HERC2: variants seen among roughly 807,000 people sequenced by gnomAD.
HERC2 encodes the protein E3 ubiquitin-protein ligase HERC2.
HERC2 carries 102 observed loss-of-function variants against 537.7 expected under a neutral mutation model. The ratio of observed to expected loss-of-function variants is 0.19; its 90% CI spans 0.16 to 0.22. The LOEUF (loss-of-function observed/expected upper bound fraction) is 0.22, where lower values mean the gene tolerates loss of function less well. HERC2 is among the 10% of genes least tolerant of loss of function. The pLI is 1.00. For missense variants in HERC2, 4,236 were observed against 6,198.2 expected, an observed-to-expected ratio of 0.68 and a Z score of 10.63; for synonymous variants, 2,224 against 2,466.2, an observed-to-expected ratio of 0.90 and a Z score of 2.91.
At chr15:28,293,686 G>A (rs1433077916) in intron 3 of HERC2, among the ~76,000 whole-genome samples, 1 of 152,072 alleles carries the variant, frequency 6.6e-6, no homozygotes, top group Non-Finnish European at 1.5e-5. Flanking sequence ...GAAAAGGGAG[G>A]GTGTAGAACA....
At chr15:28,227,480 A>C (rs1259772160) in intron 35 of HERC2, among the ~76,000 whole-genome samples, 2 of 151,828 alleles carry the variant, frequency 1.3e-5, no homozygotes, top group Non-Finnish European at 2.9e-5. Flanking sequence ...AAAAAAAAAA[A>C]AACACAAAAA....
At chr15:28,212,217 G>A (rs2140429431) in intron 43 of HERC2, among the ~76,000 whole-genome samples, 1 of 152,340 alleles carries the variant, frequency 6.6e-6, no homozygotes, top group African/African-American at 2.4e-5. Flanking sequence ...GAGGGTGTGA[G>A]CCATGGGGTT....
At position 28,177,670 on chromosome 15, in the gene HERC2, CTTCCTGGG is replaced by C. The variant is rs1895428951; in HGVS notation, c.9164-169_9164-162del. Among the ~76,000 whole-genome samples the C allele has an allele frequency of 6.6e-6, 1 of 152,160 alleles. No homozygotes were observed. The highest frequency in any genetic ancestry group is 1.5e-5 in the Non-Finnish European group (1 of 68,036). On this transcript the variant is annotated intron_variant, in intron 59 of 92. Transcript: ENST00000261609. The surrounding 1 kb of genome is among the most constrained non-coding windows in gnomAD (Gnocchi z 5.0). Reference sequence around the variant, plus strand: ...ATCAACAGCGGAGTTAGCAGGAAAGCTTCCTGGGACATATGTGCCAAATAGGTGAATTT... The same window carrying C: ...ATCAACAGCGGAGTTAGCAGGAAAGCACATATGTGCCAAATAGGTGAATTT...
At chr15:28,140,277 A>G (rs1377463658) in intron 78 of HERC2, among the ~76,000 whole-genome samples, 1 of 151,928 alleles carries the variant, frequency 6.6e-6, no homozygotes, top group African/African-American at 2.4e-5. Flanking sequence ...AGGAGCCTCC[A>G]CCCACTCCTA....
intron 69 of HERC2, among the ~76,000 whole-genome samples, chr15:28,156,121 T>C (rs549822062): frequency 1.3e-3 from 198 of 152,322 alleles, no homozygotes; most frequent in African/African-American, 4.6e-3. Flanking sequence ...CATTGGTCTA[T>C]ATCTCTGTTT....
At chr15:28,132,320 C>A in intron 80 of HERC2, 59 bp from the exon 81 acceptor site, 1 of 1,487,560 alleles carries the variant, frequency 6.7e-7, no homozygotes, top group East Asian at 2.4e-5. Context: ...TGCCACAGGA[C>A]TGGCTTCACA....
chr15:28,279,231 C>T (rs1037737302), intron 5 of HERC2, among the ~76,000 whole-genome samples: 3 of 151,898 alleles, frequency 2.0e-5, no homozygotes, highest in East Asian at 1.9e-4. Context: ...TGAGGTGATC[C>T]GCCCACCTCA....
chr15:28,116,617 G>A, intron 88 of HERC2, 48 bp downstream of exon 88: 1 of 1,507,934 alleles, frequency 6.6e-7, no homozygotes, highest in Non-Finnish European at 9.0e-7. Flanking sequence ...TAACTCAAGA[G>A]CAGGCACAGG....
Position 28,233,431 on chromosome 15 carries a change from C to G in HERC2, c.4479+3G>C, listed in dbSNP as rs748157404. On this transcript the variant is annotated splice_donor_region_variant and intron_variant, in intron 29 of 92. Transcript: ENST00000261609. ...CAGAATAAAAAGAATTAAAATCTAT[C>G]ACCTTAATGAGCGAACATTTTGCTT... is the stretch of plus-strand genomic sequence containing the variant. The G allele has an allele frequency of 7.5e-7, 1 of 1,335,508 alleles. No individual in the cohort carries two copies. The highest frequency in any genetic ancestry group is 1.1e-6 in the Non-Finnish European group (1 of 929,120). 82.7% of individuals were successfully genotyped at this position (1,335,508 alleles called of 1,614,324 possible).
At chr15:28,309,493 A>G (rs1475929490) in intron 2 of HERC2, among the ~76,000 whole-genome samples, 1 of 151,978 alleles carries the variant, frequency 6.6e-6, no homozygotes, top group Non-Finnish European at 1.5e-5. Context: ...CTCTTTTGTG[A>G]TTTCCATTTA....
chr15:28,115,548 A>G lies in HERC2; in HGVS notation c.13610-7T>C. 1.2e-6 allele frequency: 2 copies of G among 1,605,328 alleles called. No individual in the cohort carries two copies. The highest frequency in any genetic ancestry group is 2.2e-5 in the South Asian group (2 of 90,850). ...GCAATGCCCAGCAACACACCTGATC[A>G]TTCAGGACACAAGTGACAGAGGACA... is the stretch of plus-strand genomic sequence containing the variant. On this transcript the variant is annotated splice_region_variant and splice_polypyrimidine_tract_variant and intron_variant, in intron 88 of 92. Transcript: ENST00000261609.
intron 48 of HERC2, 52 bp from the exon 49 acceptor site, chr15:28,198,821 T>C (rs1422567435): frequency 6.8e-7 from 1 of 1,480,112 alleles, no homozygotes; most frequent in Non-Finnish European, 9.3e-7. Context: ...ACAGGTGAAA[T>C]GAGCCATGAT....
intron 23 of HERC2, among the ~76,000 whole-genome samples, chr15:28,245,421 C>G (rs572931547): frequency 6.6e-6 from 1 of 151,952 alleles, no homozygotes; most frequent in South Asian, 2.1e-4. Flanking sequence ...GTGGTGTGCA[C>G]CTGTGGTGCC....
At chr15:28,227,127 T>C (rs1356874318) in intron 35 of HERC2, among the ~76,000 whole-genome samples, 1 of 152,008 alleles carries the variant, frequency 6.6e-6, no homozygotes, top group Non-Finnish European at 1.5e-5. Flanking sequence ...ATATAAAAAT[T>C]AGCCAGGTGT....
intron 37 of HERC2, among the ~76,000 whole-genome samples, 179 bp downstream of exon 37, chr15:28,220,273 T>G (rs1364692769): frequency 1.3e-5 from 2 of 152,158 alleles, no homozygotes; most frequent in African/African-American, 4.8e-5. Flanking sequence ...CCACAGCCAC[T>G]CCACACACCT....
chr15:28,150,225 A>G (rs1892288184), intron 70 of HERC2, among the ~76,000 whole-genome samples: 1 of 152,164 alleles, frequency 6.6e-6, no homozygotes, highest in Non-Finnish European at 1.5e-5. Context: ...GAATGGCCAC[A>G]TGAACGTACG....
intron 81 of HERC2, 25 bp downstream of exon 81, chr15:28,132,075 T>C: frequency 8.3e-6 from 13 of 1,561,210 alleles, no homozygotes; most frequent in Non-Finnish European, 1.1e-5. Context: ...GGGAGAGCAC[T>C]GGGCAGGGAA....
In HERC2 at chr15:28,246,843, C is replaced by T; in HGVS notation, c.3290G>A (p.Cys1097Tyr). ...SLLKKYTALLCTHIGDILPVA... is the reference protein window; with the variant it reads ...SLLKKYTALLYTHIGDILPVA... Reference sequence around the variant, plus strand: ...AGGCAGTATATCTCCAATGTGCGTGCACAGGAGGGCTGTGTACTTCTTCAG... The same window carrying T: ...AGGCAGTATATCTCCAATGTGCGTGTACAGGAGGGCTGTGTACTTCTTCAG... The change falls in exon 22 of 93, where the codon TGC becomes TAC. Residue 1097 changes from cysteine (C) to tyrosine (Y), a missense_variant. By Grantham distance (194) the Cys-to-Tyr change is radical. Transcript: ENST00000261609. 6.2e-7 allele frequency: 1 copy of T among 1,612,040 alleles called. No individual in the cohort carries two copies. Among genetic ancestry groups the T allele is most frequent in the Non-Finnish European group, 8.5e-7 (1 of 1,179,228 alleles).
chr15:28,317,773 G>A (rs569925118), intron 2 of HERC2, among the ~76,000 whole-genome samples: 2 of 152,298 alleles, frequency 1.3e-5, no homozygotes, highest in Non-Finnish European at 2.9e-5. Context: ...CACACACATT[G>A]TACCAACTTC....
Sources: gnomAD v4.1 joint callset for allele counts (sites outside exome capture counted in the v4.1 genomes callset) on GRCh38, gnomAD v4.1.1 for gene constraint, Gnocchi (gnomAD v3.1) non-coding constraint, MANE v1.5 for transcripts, NCBI Gene and HGNC (gene_info 2026-07-23, HGNC 2026-07-21) for gene names.